FGD2: variants seen among roughly 807,000 people sequenced by gnomAD.
FGD2 encodes FYVE, RhoGEF and PH domain-containing protein 2.
FGD2 carries 52 observed loss-of-function variants against 75.9 expected under a neutral mutation model. The ratio of observed to expected loss-of-function variants is 0.69; its 90% CI spans 0.55 to 0.86. The LOEUF is 0.86. Ranked by LOEUF, FGD2 falls within the 40% of genes least tolerant of loss-of-function variation. The pLI, the probability that FGD2 is intolerant of heterozygous loss-of-function variation, is 0.00. For missense variants in FGD2, 790 were observed against 872.0 expected (o/e 0.91, Z 1.18); for synonymous variants, 347 against 348.6 (o/e 1.00, Z 0.05).
In FGD2 at chr6:37,005,798, C is replaced by T. The variant is rs763940527; in HGVS notation, c.-20C>T. 185 of 1,613,028 alleles carry T rather than the reference C, an allele frequency of 1.1e-4. No individual in the cohort carries two copies. The highest frequency in any genetic ancestry group is 4.9e-4 in the Middle Eastern group (3 of 6,082). On this transcript the variant is annotated 5_prime_UTR_variant, in exon 1 of 16. Coordinates refer to ENST00000274963, the MANE Select transcript of FGD2 (RefSeq NM_173558.4). ...TCTCTGCTTCGAGGGTAGCTGAGAT[C>T]CACCCCGGAAACCGGCAGGATGAAG...
intron 2 of FGD2, 28 bp downstream of exon 2, chr6:37,009,093 G>T: frequency 1.2e-6 from 2 of 1,601,028 alleles, no homozygotes; most frequent in South Asian, 1.1e-5. Context: ...TAGAGGTGTG[G>T]GGTGCTGGGG....
intron 9 of FGD2, among the ~76,000 whole-genome samples, chr6:37,019,035 GC>G (rs1561936535): frequency 6.6e-6 from 1 of 152,172 alleles, no homozygotes; most frequent in Non-Finnish European, 1.5e-5. Context: ...CAGGTCAGGA[GC>G]CCCCAGTTCC....
At chr6:37,027,047 C>A (rs1011213126) in intron 14 of FGD2, among the ~76,000 whole-genome samples, 1 of 152,114 alleles carries the variant, frequency 6.6e-6, no homozygotes, top group Non-Finnish European at 1.5e-5. Context: ...GGGCATCCAC[C>A]CCGTTTCCAA....
rs1010118427 is a variant in FGD2, at chr6:37,011,275, T to G, written c.378+225T>G. 15 of 595,966 alleles carry G rather than the reference T, an allele frequency of 2.5e-5. No individual in the cohort carries two copies. In the South Asian group the frequency reaches 3.0e-4, roughly 12 times the overall value. The allele number at this position is 595,966 out of a possible 1,614,324, so 36.9% of individuals were successfully genotyped here. ...TGTGGTGCCCAGGCTGGCCCCTGTA[T>G]AGCAGAGAACACACCAGCTGGCCCT... On this transcript the variant is annotated intron_variant, in intron 3 of 15. Transcript: ENST00000274963.
At chr6:37,012,296 A>G (rs1213298063) in intron 4 of FGD2, among the ~76,000 whole-genome samples, 2 of 152,258 alleles carry the variant, frequency 1.3e-5, no homozygotes, top group Non-Finnish European at 2.9e-5. Context: ...CTTGCCTTAT[A>G]TAGTTTGCCA....
rs750575851 is a variant in FGD2 at position 37,011,767 on chromosome 6, T to C, written c.440T>C (p.Val147Ala). The change falls in exon 4 of 16, where the codon GTC (valine) becomes GCC (alanine). Residue 147 changes from valine (V) to alanine (A), a missense_variant. By Grantham distance (64) the Val-to-Ala change is moderately conservative. Coordinates refer to ENST00000274963, the MANE Select transcript of FGD2 (RefSeq NM_173558.4). ...RSSKAFPEDVVRVIFSNISSI... is the reference protein window; with the variant it reads ...RSSKAFPEDVARVIFSNISSI... ...AGCAAGGCCTTCCCAGAGGATGTGG[T>C]CAGGGTCATCTTCTCCAACATCTCC... 3 of 1,613,990 alleles carry C rather than the reference T, an allele frequency of 1.9e-6. No individual in the cohort carries two copies. In the East Asian group the frequency reaches 6.7e-5, roughly 36 times the overall value.
chr6:37,017,281 T>C (rs1765345330), intron 9 of FGD2, among the ~76,000 whole-genome samples: 1 of 152,184 alleles, frequency 6.6e-6, no homozygotes, highest in African/African-American at 2.4e-5. Flanking sequence ...CAGCTGCAAA[T>C]GAGGCTGCAG....
chr6:37,020,640 G>A lies in FGD2; in HGVS notation c.1202+20G>A, dbSNP rs1372740950. 5.6e-6 allele frequency: 9 copies of A among 1,592,988 alleles called. No homozygotes were observed. Among genetic ancestry groups the A allele is most frequent in the South Asian group, 2.3e-5 (2 of 87,648 alleles). The stretch of plus-strand genomic sequence containing the variant: ...AGCCCGGTAAAGGAGCTGGGGTGGC[G>A]GCCCAGGGCCAGGCGGGAAAACTGG... On this transcript the variant is annotated intron_variant, in intron 10 of 15. Coordinates refer to ENST00000274963, the MANE Select transcript of FGD2 (RefSeq NM_173558.4).
At chr6:37,025,521 G>C (rs1408846827) in intron 13 of FGD2, 1 of 485,456 alleles carries the variant, frequency 2.1e-6, no homozygotes, top group Non-Finnish European at 3.8e-6. Context: ...CTGGAGGGGA[G>C]AGAAGTTACG....
rs146441301 is a variant in FGD2, at chr6:37,016,643, C to G, written c.1122+783C>G. ...CCACCTCCTGGGTTCGAGCAATTCT[C>G]CTGCCTCAGCCTCCCAAGTAGCTGG... On this transcript the variant is annotated intron_variant, in intron 9 of 15. Coordinates refer to ENST00000274963, the MANE Select transcript of FGD2 (RefSeq NM_173558.4). Among the ~76,000 whole-genome samples, 1,460 of 151,904 alleles carry G rather than the reference C, an allele frequency of 9.6e-3. 12 individuals carry two copies. The highest frequency in any genetic ancestry group is 0.012 in the Non-Finnish European group (797 of 67,964).
intron 1 of FGD2, 146 bp from the exon 2 acceptor site, chr6:37,008,688 C>T (rs1382591745): frequency 2.0e-5 from 12 of 599,834 alleles, no homozygotes; most frequent in Non-Finnish European, 3.2e-5. Context: ...GAAAGTCTTA[C>T]TCAGCATGTT....
At position 37,025,857 on chromosome 6, in the gene FGD2, A is replaced by G. The variant is rs996414955; in HGVS notation, c.1524A>G (p.Arg508=). The G allele has an allele frequency of 1.2e-5, 20 of 1,614,004 alleles. No individual in the cohort carries two copies. The highest frequency in any genetic ancestry group is 1.6e-4 in the Middle Eastern group (1 of 6,084). ...ELKYDDNRPN[R]VCLHCYAFLT... ...AATACGACGACAACAGGCCCAACCG[A>G]GTCTGCCTCCACTGCTACGCATTCC... Residue 508 remains arginine (R), a synonymous_variant, in exon 14 of 16, where the codon CGA becomes CGG. Transcript: ENST00000274963.
At position 37,009,135 on chromosome 6, in the gene FGD2, A is replaced by G; in HGVS notation, c.300+70A>G. 12 of 1,437,006 alleles carry G rather than the reference A, an allele frequency of 8.4e-6. No individual in the cohort carries two copies. In the South Asian group the frequency reaches 1.5e-4, roughly 19 times the overall value. 89.0% of individuals were successfully genotyped at this position (1,437,006 alleles called of 1,614,324 possible). A position where few individuals can be genotyped will look rare whatever the true frequency, so the allele number is the denominator to read the frequency against. On this transcript the variant is annotated intron_variant, in intron 2 of 15. Coordinates refer to ENST00000274963, the MANE Select transcript of FGD2 (RefSeq NM_173558.4). ...GCTCTCCCTGACCTCCCCTCCACAC[A>G]TGCTTTCCTAGCCAGAGCCAGCAGT...
intron 9 of FGD2, among the ~76,000 whole-genome samples, chr6:37,017,459 TG>T (rs1765353909): frequency 6.6e-6 from 1 of 152,210 alleles, no homozygotes; most frequent in African/African-American, 2.4e-5. Flanking sequence ...CAGATGCAGG[TG>T]TAACAAAGGC....
chr6:37,027,759 C>T, intron 15 of FGD2, 184 bp downstream of exon 15: 1 of 1,014,200 alleles, frequency 9.9e-7, no homozygotes, highest in South Asian at 1.6e-5. Context: ...GACTCTAGGT[C>T]ACCACTGCTT....
rs1180934595 is a variant in FGD2, at chr6:37,010,905, TC to T, written c.301-64del. The T allele has an allele frequency of 6.8e-6, 10 of 1,473,658 alleles. No homozygotes were observed. In the Admixed American group the frequency reaches 1.0e-4, roughly 15 times the overall value. 91.3% of individuals were successfully genotyped at this position (1,473,658 alleles called of 1,614,324 possible). A position where few individuals can be genotyped will look rare whatever the true frequency, so the allele number is the denominator to read the frequency against. On this transcript the variant is annotated intron_variant, in intron 2 of 15. Transcript: ENST00000274963. ...AGCAACTTTGGAGACTGAACCGAGG[TC>T]CCCATCAGAGGAGACCAAAGCTGTC...
chr6:37,022,310 C>T lies in FGD2; in HGVS notation c.1398C>T (p.Arg466=). The T allele has an allele frequency of 6.3e-7, 1 of 1,589,160 alleles. No individual in the cohort carries two copies. The highest frequency in any genetic ancestry group is 8.5e-7 in the Non-Finnish European group (1 of 1,170,286). ...VRDKMVTMCM[R]CQEPFNALTR... is the part of the protein sequence containing the mutation. ...ACAAGATGGTGACCATGTGCATGCG[C>T]TGCCAGGAGCCCTTCAACGCTCTGA... The change falls in exon 13 of 16, where the codon CGC becomes CGT. Residue 466 remains arginine, a synonymous_variant. Coordinates refer to ENST00000274963, the MANE Select transcript of FGD2 (RefSeq NM_173558.4).
intron 11 of FGD2, among the ~76,000 whole-genome samples, chr6:37,021,076 G>A (rs1765566678): frequency 6.6e-6 from 1 of 150,902 alleles, no homozygotes; most frequent in African/African-American, 2.5e-5. Context: ...GTGTTTGTGT[G>A]TATGTGTGTG....
rs969382422 is a variant in FGD2 at position 37,011,952 on chromosome 6, G to A, written c.527+98G>A. The A allele has an allele frequency of 2.5e-5, 35 of 1,375,790 alleles. 1 individual carries two copies. Among genetic ancestry groups the A allele is most frequent in the East Asian group, 2.4e-4 (10 of 41,468 alleles). The allele number at this position is 1,375,790 out of a possible 1,614,324, so 85.2% of individuals were successfully genotyped here. A position where few individuals can be genotyped will look rare whatever the true frequency, so the allele number is the denominator to read the frequency against. On this transcript the variant is annotated intron_variant, in intron 4 of 15. Coordinates refer to ENST00000274963, the MANE Select transcript of FGD2 (RefSeq NM_173558.4). ...CGCTAGGTTCAGCCTCCTAGGCCCA[G>A]GCCCTTATTGTGTGGCCATGCCTCC...
Sources: allele counts gnomAD v4.1 joint callset (sites outside exome capture counted in the v4.1 genomes callset), GRCh38; gene constraint gnomAD v4.1.1; transcripts MANE v1.5; gene names NCBI Gene and HGNC (gene_info 2026-07-23, HGNC 2026-07-21).